WDR3: variants seen among roughly 807,000 people sequenced by gnomAD.
WDR3 encodes WD repeat domain 3.
Under a neutral mutation model 123.7 loss-of-function variants are expected in WDR3, and 81 were observed. That is an observed-to-expected ratio of 0.65 (90% CI 0.55 to 0.79). The LOEUF is 0.79. Ranked by LOEUF, WDR3 falls within the 30% of genes least tolerant of loss-of-function variation. WDR3 has a pLI of 0.00. For synonymous variants in WDR3, 390 were observed against 388.8 expected (o/e 1.00, Z -0.04); for missense variants, 1,027 against 1,123.2 (o/e 0.91, Z 1.22).
chr1:117,941,710 T>G (rs1651178637), intron 8 of WDR3, 40 bp from the exon 9 acceptor site: 1 of 1,585,056 alleles, frequency 6.3e-7, no homozygotes, highest in Non-Finnish European at 8.5e-7. Flanking sequence ...AAATTACAAA[T>G]TACCTCTCCT....
intron 25 of WDR3, 140 bp from the exon 26 acceptor site, chr1:117,958,770 T>TTA (rs1553207438): frequency 2.6e-6 from 1 of 384,958 alleles, no homozygotes; most frequent in East Asian, 5.2e-5. Flanking sequence ...TCTTTGGCTT[T>TTA]TTTTTTTTTT....
chr1:117,952,699 G>A, intron 19 of WDR3, 37 bp downstream of exon 19: 2 of 1,604,332 alleles, frequency 1.2e-6, no homozygotes, highest in Middle Eastern at 3.4e-4. Context: ...TATGCCAGTA[G>A]GTATCTGACA....
chr1:117,953,646 TTGA>T, intron 21 of WDR3, 105 bp downstream of exon 21: 1 of 1,097,374 alleles, frequency 9.1e-7, no homozygotes. Context: ...TGGCAAAAAG[TTGA>T]TGAGATTTAA....
chr1:117,953,826 C>T, intron 21 of WDR3, 181 bp from the exon 22 acceptor site: 2 of 612,956 alleles, frequency 3.3e-6, no homozygotes, highest in Non-Finnish European at 5.6e-6. Flanking sequence ...CTTCCCTGTA[C>T]ATTAAAAAAT....
intron 3 of WDR3, among the ~76,000 whole-genome samples, chr1:117,935,322 A>C (rs546798645): frequency 3.3e-5 from 5 of 152,270 alleles, no homozygotes; most frequent in African/African-American, 1.2e-4. Context: ...TTAGAACTTG[A>C]CCTAATATGG....
At chr1:117,947,806 G>C (rs1194416475) in intron 12 of WDR3, among the ~76,000 whole-genome samples, 1 of 152,208 alleles carries the variant, frequency 6.6e-6, no homozygotes, top group East Asian at 1.9e-4. Context: ...CTCTGTGTGT[G>C]TTACATGCTG....
At position 117,950,116 on chromosome 1, in the gene WDR3, G is replaced by A. The variant is rs760784329; in HGVS notation, c.1732G>A (p.Val578Ile). The A allele has an allele frequency of 2.6e-5, 42 of 1,613,552 alleles. No homozygotes were observed. In the South Asian group the frequency reaches 2.6e-4, roughly 10 times the overall value. Residue 578 changes from valine (V) to isoleucine (I), a missense_variant, in exon 15 of 27, where the codon GTT (valine) becomes ATT (isoleucine). Transcript: ENST00000349139. ...LLDCTVKIFY[V>I]DTLKFFLSLY... ...GGACTGTACTGTGAAAATTTTCTACGTTGATACTTTAAAGGTACAGTGGTT... is the reference window on the plus strand; with the variant it reads ...GGACTGTACTGTGAAAATTTTCTACATTGATACTTTAAAGGTACAGTGGTT...
chr1:117,952,151 T>A (rs1268778476), intron 17 of WDR3, 75 bp downstream of exon 17: 2 of 1,530,378 alleles, frequency 1.3e-6, no homozygotes, highest in Non-Finnish European at 1.8e-6. Context: ...TCTGTGTCTA[T>A]TTTTCAGTGT....
At position 117,966,453 on chromosome 1, in the gene WDR3, C is replaced by A; in HGVS notation, c.*7006C>A. ...TTTTTTAGATTTGGCTAGGTGCTTT[C>A]AAAGATGAATGAAGATGCTCTTTGT... On this transcript the variant is annotated 3_prime_UTR_variant, in exon 27 of 27. Coordinates refer to ENST00000349139, the MANE Select transcript of WDR3 (RefSeq NM_006784.3). 1 of 717,394 alleles carries A rather than the reference C, an allele frequency of 1.4e-6. No individual in the cohort carries two copies. Among genetic ancestry groups the A allele is most frequent in the South Asian group, 3.3e-5 (1 of 29,882 alleles). 44.4% of individuals were successfully genotyped at this position (717,394 alleles called of 1,614,324 possible). A position where few individuals can be genotyped will look rare whatever the true frequency, so the allele number is the denominator to read the frequency against.
chr1:117,935,652 C>G (rs1249840038), intron 3 of WDR3, among the ~76,000 whole-genome samples: 2 of 151,558 alleles, frequency 1.3e-5, no homozygotes, highest in Non-Finnish European at 3.0e-5. Flanking sequence ...TGCTATATAC[C>G]AAAATGAAAC....
At position 117,941,210 on chromosome 1, in the gene WDR3, G is replaced by A. The variant is rs1162113214; in HGVS notation, c.876G>A (p.Arg292=). ...ACCTTGCAGTCGACAAGACAGGCAG[G>A]ATTCTTGCTTGCCATGTGAGTACCA... The part of the protein sequence containing the change: ...VVNLAVDKTG[R]ILACHGTDSV... The change falls in exon 8 of 27, where the codon AGG becomes AGA. Residue 292 remains arginine (R), a synonymous_variant. Coordinates refer to ENST00000349139, the MANE Select transcript of WDR3 (RefSeq NM_006784.3). 2 of 1,614,104 alleles carry A rather than the reference G, an allele frequency of 1.2e-6. No homozygotes were observed. Among genetic ancestry groups the A allele is most frequent in the Non-Finnish European group, 1.7e-6 (2 of 1,179,992 alleles).
intron 1 of WDR3, among the ~76,000 whole-genome samples, chr1:117,932,278 C>A (rs1377433341): frequency 6.6e-6 from 1 of 152,168 alleles, no homozygotes; most frequent in Non-Finnish European, 1.5e-5. Flanking sequence ...AGTGGCTGCT[C>A]TGATTTTGAA....
At position 117,965,052 on chromosome 1, in the gene WDR3, C is replaced by T. The variant is rs1432350960; in HGVS notation, c.*5605C>T. 2 of 152,164 alleles carry T rather than the reference C, an allele frequency of 1.3e-5. No individual in the cohort carries two copies. Among genetic ancestry groups the T allele is most frequent in the South Asian group, 2.1e-4 (1 of 4,820 alleles). The allele number at this position is 152,164 out of a possible 1,614,324, so 9.4% of individuals were successfully genotyped here. ...AATCCTTCCTATATTCTGTTGCATCCTTGAGTAACATATTCTCTTGCTCTT... is the reference window on the plus strand; with the variant it reads ...AATCCTTCCTATATTCTGTTGCATCTTTGAGTAACATATTCTCTTGCTCTT... On this transcript the variant is annotated 3_prime_UTR_variant, in exon 27 of 27. Coordinates refer to ENST00000349139, the MANE Select transcript of WDR3 (RefSeq NM_006784.3).
chr1:117,959,079 C>CT, intron 26 of WDR3, 76 bp downstream of exon 26: 2 of 1,461,872 alleles, frequency 1.4e-6, no homozygotes, highest in Non-Finnish European at 1.9e-6. Flanking sequence ...GTATGCTGTG[C>CT]TTTGTCTTTA....
chr1:117,959,518 G>A lies in WDR3; in HGVS notation c.*71G>A. ...GGACTCCTAAACTAAGCACAGAAGA[G>A]TTGGCGTCATCTTAAAAATACCAAA... is the stretch of plus-strand genomic sequence containing the variant. On this transcript the variant is annotated 3_prime_UTR_variant, in exon 27 of 27. Coordinates refer to ENST00000349139, the MANE Select transcript of WDR3 (RefSeq NM_006784.3). 2 of 1,419,120 alleles carry A rather than the reference G, an allele frequency of 1.4e-6. No individual in the cohort carries two copies. Among genetic ancestry groups the A allele is most frequent in the African/African-American group, 2.9e-5 (2 of 68,510 alleles). 87.9% of individuals were successfully genotyped at this position (1,419,120 alleles called of 1,614,324 possible).
intron 15 of WDR3, 143 bp downstream of exon 15, chr1:117,950,273 A>C: frequency 9.5e-7 from 1 of 1,057,510 alleles, no homozygotes; most frequent in Non-Finnish European, 1.3e-6. Flanking sequence ...AAGCAATGTA[A>C]CTATGCTAGG....
rs1451505710 is a variant in WDR3 at position 117,933,302 on chromosome 1, GGTATCAGACATCACAACA to G, written c.-17_1del. ...TATATGCACAGATTGCTTCACCTGT[GGTATCAGACATCACAACA>G]TGGGGCTCACCAAGCAGTACCTACG... is the stretch of plus-strand genomic sequence containing the variant. On this transcript the variant is annotated start_lost and 5_prime_UTR_variant, in exon 2 of 27. Coordinates refer to ENST00000349139, the MANE Select transcript of WDR3 (RefSeq NM_006784.3). 3 of 1,613,046 alleles carry G rather than the reference GGTATCAGACATCACAACA, an allele frequency of 1.9e-6. No homozygotes were observed. Among genetic ancestry groups the G allele is most frequent in the Admixed American group, 1.7e-5 (1 of 59,990 alleles).
chr1:117,948,597 T>C (rs1651494568), intron 13 of WDR3, 91 bp downstream of exon 13: 1 of 945,194 alleles, frequency 1.1e-6, no homozygotes, highest in Non-Finnish European at 1.5e-6. Context: ...CTGAGGTTTT[T>C]TTTTTTTTTT....
intron 26 of WDR3, 80 bp from the exon 27 acceptor site, chr1:117,959,212 G>T: frequency 5.3e-6 from 8 of 1,502,948 alleles, no homozygotes; most frequent in Non-Finnish European, 6.3e-6. Flanking sequence ...CTGAAGCTTT[G>T]GTTACCCTAA....
Sources: gnomAD v4.1 joint callset for allele counts (sites outside exome capture counted in the v4.1 genomes callset) on GRCh38, gnomAD v4.1.1 for gene constraint, MANE v1.5 for transcripts, NCBI Gene and HGNC (gene_info 2026-07-23, HGNC 2026-07-21) for gene names.